ABAT: variants seen among roughly 807,000 people sequenced by gnomAD.
The protein encoded by ABAT is 4-aminobutyrate aminotransferase, mitochondrial.
A neutral mutation model predicts 64.6 loss-of-function variants in ABAT; 45 were observed. The ratio of observed to expected loss-of-function variants is 0.70; its 90% confidence interval spans 0.55 to 0.89. ABAT has a LOEUF of 0.89. ABAT is among the 40% of genes least tolerant of loss of function. ABAT has a pLI of 0.00. For missense variants in ABAT, 633 were observed against 658.4 expected, an observed-to-expected ratio of 0.96 and a Z score of 0.42; for synonymous variants, 297 against 250.5, an observed-to-expected ratio of 1.19 and a Z score of -1.75.
In ABAT at chr16:8,725,078, G is replaced by A. The variant is rs963709943; in HGVS notation, c.-41-10621G>A. ...ATTACAGGCGCCTGCCACCACGCCC[G>A]GCTAATTTTGTATTTTTAGTAAAGA... On this transcript the variant is annotated intron_variant, in intron 1 of 15. Coordinates refer to ENST00000268251, the MANE Select transcript of ABAT (RefSeq NM_020686.6). Among the ~76,000 whole-genome samples the A allele has an allele frequency of 5.3e-5, 8 of 152,028 alleles. No individual in the cohort carries two copies. In the East Asian group the frequency reaches 5.8e-4, roughly 11 times the overall value.
At chr16:8,696,257 A>C (rs1291203526) in intron 1 of ABAT, among the ~76,000 whole-genome samples, 1 of 152,100 alleles carries the variant, frequency 6.6e-6, no homozygotes, top group Non-Finnish European at 1.5e-5. Flanking sequence ...AGGAGGATTA[A>C]AGAAGGGCCA....
chr16:8,722,744 C>A (rs960087380), intron 1 of ABAT: 2 of 1,169,150 alleles, frequency 1.7e-6, no homozygotes, highest in African/African-American at 1.6e-5. Flanking sequence ...AACCAGGAAT[C>A]CTTCACCTGC....
chr16:8,719,754 A>AAGG (rs150890076), intron 1 of ABAT, among the ~76,000 whole-genome samples: 30 of 152,082 alleles, frequency 2.0e-4, no homozygotes, highest in Non-Finnish European at 3.2e-4. Flanking sequence ...AAGAAGAAAG[A>AAGG]AGGAGGAGGA....
rs1268552158 is a variant in ABAT, at chr16:8,781,100, TGGA to T, written c.1382-204_1382-202del. ...GGGAAGGAAAGGAAGAAGAGAATGA[TGGA>T]GGAGATGAATGAGGGGAGAGAGAAA... On this transcript the variant is annotated intron_variant, in intron 15 of 15. Transcript: ENST00000268251. The surrounding 1 kb of genome is among the most constrained non-coding windows in gnomAD (Gnocchi z 4.5). The T allele has an allele frequency of 1.2e-5, 9 of 762,160 alleles. No homozygotes were observed. Among genetic ancestry groups the T allele is most frequent in the Non-Finnish European group, 1.9e-5 (8 of 427,460 alleles). 47.2% of individuals were successfully genotyped at this position (762,160 alleles called of 1,614,324 possible). A position where few individuals can be genotyped will look rare whatever the true frequency, so the allele number is the denominator to read the frequency against.
At position 8,766,241 on chromosome 16, in the gene ABAT, G is replaced by A. The variant is rs139121258; in HGVS notation, c.574G>A (p.Glu192Lys). Residue 192 changes from glutamate (E) to lysine (K), a missense_variant, in exon 9 of 16, where the codon GAG (glutamate) becomes AAG (lysine). Coordinates refer to ENST00000268251, the MANE Select transcript of ABAT (RefSeq NM_020686.6). ...AAGAGGGCAGAGGGGCTTCTCCCAG[G>A]AGGAGCTGGAGACGTGCATGATTAA... Reference protein sequence around the residue: ...KERGQRGFSQEELETCMINQA... With the variant: ...KERGQRGFSQKELETCMINQA... 3 of 1,614,140 alleles carry A rather than the reference G, an allele frequency of 1.9e-6. No homozygotes were observed. Among genetic ancestry groups the A allele is most frequent in the South Asian group, 1.1e-5 (1 of 91,086 alleles).
At chr16:8,685,447 A>G (rs958615751) in intron 1 of ABAT, among the ~76,000 whole-genome samples, 6 of 151,942 alleles carry the variant, frequency 3.9e-5, no homozygotes, top group Non-Finnish European at 7.4e-5. Flanking sequence ...AGGCAGGCAG[A>G]TTGCCTGAGC....
At chr16:8,745,517 C>T (rs964052794) in intron 2 of ABAT, among the ~76,000 whole-genome samples, 5 of 151,788 alleles carry the variant, frequency 3.3e-5, no homozygotes, top group African/African-American at 4.8e-5. Context: ...GGCAACATGG[C>T]GAAACCCCGT....
intron 2 of ABAT, chr16:8,736,552 C>T (rs573908606): frequency 6.6e-6 from 1 of 152,524 alleles, no homozygotes; most frequent in African/African-American, 2.4e-5. Flanking sequence ...CTGAAATTGA[C>T]CTAGAGCCCA....
At chr16:8,703,893 A>C (rs766585103) in intron 1 of ABAT, among the ~76,000 whole-genome samples, 3 of 152,338 alleles carry the variant, frequency 2.0e-5, no homozygotes, top group Admixed American at 2.0e-4. Context: ...ATGAATTAAT[A>C]GGTGTAGCTG....
At chr16:8,743,423 T>TTTTATATATATATA (rs1288241223) in intron 2 of ABAT, among the ~76,000 whole-genome samples, 1 of 45,296 alleles carries the variant, frequency 2.2e-5, no homozygotes, top group Non-Finnish European at 3.8e-5. Flanking sequence ...ATGGAAACAG[T>TTTTATATATATATA]TATATATATA....
intron 2 of ABAT, among the ~76,000 whole-genome samples, chr16:8,741,081 C>T (rs1194375461): frequency 6.6e-6 from 1 of 152,214 alleles, no homozygotes; most frequent in Non-Finnish European, 1.5e-5. Flanking sequence ...TAGACTCTGG[C>T]TTGGCATGGC....
chr16:8,758,369 G>A (rs1302019725), intron 6 of ABAT, among the ~76,000 whole-genome samples: 1 of 152,200 alleles, frequency 6.6e-6, no homozygotes, highest in Non-Finnish European at 1.5e-5. Flanking sequence ...GAGATCTGAA[G>A]GAGAGGAAGG....
At chr16:8,766,180 G>T in intron 8 of ABAT, 28 bp from the exon 9 acceptor site, 2 of 1,612,216 alleles carry the variant, frequency 1.2e-6, no homozygotes, top group Non-Finnish European at 1.7e-6. Flanking sequence ...GAGCATCTCT[G>T]AGATTTTGTT....
In ABAT at chr16:8,677,645, T is replaced by C. The variant is rs2057235387; in HGVS notation, c.-42+2934T>C. ...AGCAGCGCCTCTGGTCTCTACCCACTAGATGCCAGTGACACTCCCTACCCC... is the reference window on the plus strand; with the variant it reads ...AGCAGCGCCTCTGGTCTCTACCCACCAGATGCCAGTGACACTCCCTACCCC... On this transcript the variant is annotated intron_variant, in intron 1 of 15. Transcript: ENST00000268251. Among the ~76,000 whole-genome samples, 6 of 152,122 alleles carry C rather than the reference T, an allele frequency of 3.9e-5. No homozygotes were observed. In the South Asian group the frequency reaches 1.2e-3, roughly 31 times the overall value.
chr16:8,711,006 T>G (rs2058059295), intron 1 of ABAT, among the ~76,000 whole-genome samples: 1 of 152,218 alleles, frequency 6.6e-6, no homozygotes, highest in South Asian at 2.1e-4. Flanking sequence ...TTCTGCATGA[T>G]GGATATACCC....
rs2060487111 is a variant in ABAT at position 8,783,629 on chromosome 16, A to C, written c.*2199A>C. 6.6e-6 allele frequency: 1 copy of C among 152,238 alleles called. No homozygotes were observed. The highest frequency in any genetic ancestry group is 2.4e-5 in the African/African-American group (1 of 41,466). 9.4% of individuals were successfully genotyped at this position (152,238 alleles called of 1,614,324 possible). A position where few individuals can be genotyped will look rare whatever the true frequency, so the allele number is the denominator to read the frequency against. ...AAGGTTCAATAAGGCCTTATTTAACAAGCAAGCAAAATGCAAACCAAACCA... is the reference window on the plus strand; with the variant it reads ...AAGGTTCAATAAGGCCTTATTTAACCAGCAAGCAAAATGCAAACCAAACCA... On this transcript the variant is annotated 3_prime_UTR_variant, in exon 16 of 16. Transcript: ENST00000268251.
At chr16:8,743,512 A>C (rs1434247923) in intron 2 of ABAT, among the ~76,000 whole-genome samples, 1 of 141,008 alleles carries the variant, frequency 7.1e-6, no homozygotes, top group Non-Finnish European at 1.5e-5. Context: ...TATATATTTT[A>C]GTTATAGTAT....
chr16:8,714,417 T>G (rs184650774), intron 1 of ABAT, among the ~76,000 whole-genome samples: 5 of 152,328 alleles, frequency 3.3e-5, no homozygotes, highest in Non-Finnish European at 7.4e-5. Flanking sequence ...GAATCTCAGT[T>G]GACAGCCAGG....
chr16:8,779,866 C>T (rs185721001), intron 15 of ABAT, among the ~76,000 whole-genome samples: 2 of 152,322 alleles, frequency 1.3e-5, no homozygotes, highest in African/African-American at 2.4e-5. Flanking sequence ...GAGCCCCTTC[C>T]TTCAGGAAGC....
Sources: gnomAD v4.1 joint callset for allele counts (sites outside exome capture counted in the v4.1 genomes callset) on GRCh38, gnomAD v4.1.1 for gene constraint, Gnocchi (gnomAD v3.1) non-coding constraint, MANE v1.5 for transcripts, NCBI Gene and HGNC (gene_info 2026-07-23, HGNC 2026-07-21) for gene names.